Variants in SOX6 observed in about 807,000 individuals in gnomAD.
The protein encoded by SOX6 is SRY-box transcription factor 6, also known as transcription factor SOX-6.
A neutral mutation model predicts 97.8 loss-of-function variants in SOX6; 11 were observed. The observed-to-expected ratio is 0.11, with a 90% CI of 0.07 to 0.19. The LOEUF (loss-of-function observed/expected upper bound fraction) is 0.19, where lower values mean the gene tolerates loss of function less well. SOX6 is among the 10% of genes least tolerant of loss of function. SOX6 has a pLI of 1.00. For missense variants in SOX6, 810 were observed against 1,039.5 expected, an observed-to-expected ratio of 0.78 and a Z score of 3.04; for synonymous variants, 360 against 371.4, an observed-to-expected ratio of 0.97 and a Z score of 0.35.
chr11:16,404,266 T>C (rs1035382516), intron 1 of SOX6, among the ~76,000 whole-genome samples: 1 of 151,916 alleles, frequency 6.6e-6, no homozygotes, highest in Non-Finnish European at 1.5e-5. Context: ...TTGCTTCATT[T>C]ATCTTCATCT....
chr11:15,977,617 A>G (rs1853525994), intron 15 of SOX6, among the ~76,000 whole-genome samples: 1 of 151,810 alleles, frequency 6.6e-6, no homozygotes, highest in Admixed American at 6.6e-5. Context: ...CAAAACTTCA[A>G]CTTTAGTTCA....
At chr11:16,690,512 AT>A (rs1291674832) in intron 3 of SOX6, among the ~76,000 whole-genome samples, 1 of 152,248 alleles carries the variant, frequency 6.6e-6, no homozygotes, top group Non-Finnish European at 1.5e-5. Context: ...TTTTAATAGT[AT>A]AAGGGATACA....
chr11:16,176,519 A>G (rs1172495519), intron 6 of SOX6, among the ~76,000 whole-genome samples: 2 of 151,860 alleles, frequency 1.3e-5, no homozygotes, highest in African/African-American at 4.8e-5. Flanking sequence ...TTAACTGTCT[A>G]AAAGGTTCAT....
chr11:16,350,204 C>T (rs190154163), intron 1 of SOX6, among the ~76,000 whole-genome samples: 3 of 152,232 alleles, frequency 2.0e-5, no homozygotes, highest in Non-Finnish European at 4.4e-5. Context: ...GCATTGTGTT[C>T]CTCTTTCTCC....
At chr11:16,738,157 A>T (rs963642946) in intron 1 of SOX6, among the ~76,000 whole-genome samples, 1 of 152,320 alleles carries the variant, frequency 6.6e-6, no homozygotes, top group Admixed American at 6.5e-5. Context: ...TCATGAAAAC[A>T]TTTAGAAAGC....
chr11:16,391,851 A>T (rs1858194616), intron 1 of SOX6, among the ~76,000 whole-genome samples: 1 of 152,010 alleles, frequency 6.6e-6, no homozygotes, highest in Non-Finnish European at 1.5e-5. Flanking sequence ...TTATAACTCT[A>T]CCAAGTAGAA....
intron 4 of SOX6, among the ~76,000 whole-genome samples, chr11:16,196,014 C>T (rs1038451721): frequency 6.6e-6 from 1 of 152,182 alleles, no homozygotes; most frequent in Non-Finnish European, 1.5e-5. Context: ...AAACATACCA[C>T]ATACTGTGCC....
intron 1 of SOX6, among the ~76,000 whole-genome samples, chr11:16,341,806 T>C (rs1474647719): frequency 1.3e-5 from 2 of 152,076 alleles, no homozygotes; most frequent in Non-Finnish European, 2.9e-5. Context: ...TGTTTACACT[T>C]TGCATTATTA....
chr11:16,470,195 G>A (rs1010547968), intron 1 of SOX6, among the ~76,000 whole-genome samples: 4 of 152,140 alleles, frequency 2.6e-5, no homozygotes, highest in East Asian at 1.9e-4. Flanking sequence ...GGCAGCTCCC[G>A]TTGTCATGGA....
At position 16,371,421 on chromosome 11, in the gene SOX6, C is replaced by G. The variant is rs146157077; in HGVS notation, c.-4-30169G>C. Among the ~76,000 whole-genome samples, 28 of 152,076 alleles carry G rather than the reference C, an allele frequency of 1.8e-4. No individual in the cohort carries two copies. In the East Asian group the frequency reaches 4.6e-3, roughly 25 times the overall value. ...ATCCCCCTTTTTTGTTTTATTTTCT[C>G]CATAGCATTTATCTTCTACCTTGCT... On this transcript the variant is annotated intron_variant, in intron 1 of 15. Transcript: ENST00000396356.
At chr11:16,114,167 G>C (rs1009077310) in intron 6 of SOX6, among the ~76,000 whole-genome samples, 9 of 152,078 alleles carry the variant, frequency 5.9e-5, no homozygotes, top group African/African-American at 2.2e-4. Context: ...TTCTATGATT[G>C]TTTAAAAGTC....
At chr11:16,567,345 T>A (rs1270208915) in intron 4 of SOX6, 1 of 152,268 alleles carries the variant, frequency 6.6e-6, no homozygotes, top group African/African-American at 2.4e-5. Context: ...CCCTAGAGGA[T>A]CCTCTTCCTA....
intron 9 of SOX6, among the ~76,000 whole-genome samples, chr11:16,085,817 C>T (rs1848565845): frequency 1.3e-5 from 2 of 152,190 alleles, no homozygotes; most frequent in African/African-American, 2.4e-5. Flanking sequence ...TCACAAAACA[C>T]ATTTTAAACT....
At chr11:16,371,440 C>T (rs1290325825) in intron 1 of SOX6, among the ~76,000 whole-genome samples, 1 of 151,894 alleles carries the variant, frequency 6.6e-6, no homozygotes, top group African/African-American at 2.4e-5. Context: ...TTATCTTCTA[C>T]CTTGCTTTAT....
intron 3 of SOX6, among the ~76,000 whole-genome samples, chr11:16,246,875 C>T (rs1853351049): frequency 6.6e-6 from 1 of 152,072 alleles, no homozygotes; most frequent in Non-Finnish European, 1.5e-5. Context: ...ACTTGGGTAT[C>T]CATCACCTTA....
At chr11:16,222,575 C>T (rs1269539036) in intron 4 of SOX6, among the ~76,000 whole-genome samples, 4 of 152,076 alleles carry the variant, frequency 2.6e-5, no homozygotes, top group African/African-American at 7.2e-5. Flanking sequence ...TAAATTTTCT[C>T]GTTTAATTTC....
rs187748465 is a variant in SOX6, at chr11:16,510,685, C to T, written n.610-34297G>A. The stretch of plus-strand genomic sequence containing the variant: ...TAAATTATGATTATTAATACCCTGG[C>T]TCTTGCTTCCAATAAGATACGCTGA... On this transcript the variant is annotated intron_variant and non_coding_transcript_variant, in intron 4 of 5. Coordinates refer to the SOX6 transcript ENST00000524520. 1.2e-3 allele frequency among the ~76,000 whole-genome samples: 178 copies of T among 152,126 alleles called. 1 individual carries two copies. Among genetic ancestry groups the T allele is most frequent in the Admixed American group, 3.0e-3 (46 of 15,278 alleles).
chr11:16,381,656 T>C (rs976833224), intron 1 of SOX6, among the ~76,000 whole-genome samples: 1 of 152,010 alleles, frequency 6.6e-6, no homozygotes, highest in Non-Finnish European at 1.5e-5. Flanking sequence ...TATAGTCAGT[T>C]TCATTCTTTT....
At chr11:16,427,815 C>T (rs1859178965) in intron 1 of SOX6, among the ~76,000 whole-genome samples, 1 of 152,162 alleles carries the variant, frequency 6.6e-6, no homozygotes, top group Non-Finnish European at 1.5e-5. Context: ...TTTATAGCAG[C>T]ATGATTTATA....
Sources: gnomAD v4.1 joint callset for allele counts (sites outside exome capture counted in the v4.1 genomes callset) on GRCh38, gnomAD v4.1.1 for gene constraint, MANE v1.5 for transcripts, NCBI Gene and HGNC (gene_info 2026-07-23, HGNC 2026-07-21) for gene names.